STT3B: variants seen among roughly 807,000 people sequenced by gnomAD.
STT3B encodes the protein dolichyl-diphosphooligosaccharide--protein glycosyltransferase subunit STT3B.
Under a neutral mutation model 96.8 loss-of-function variants are expected in STT3B, and 29 were observed. The ratio of observed to expected loss-of-function variants is 0.30; its 90% CI spans 0.22 to 0.41. The LOEUF (loss-of-function observed/expected upper bound fraction) is 0.41, where lower values mean the gene tolerates loss of function less well. Ranked by LOEUF, STT3B falls within the 10% of genes least tolerant of loss-of-function variation. The pLI, the probability that STT3B is intolerant of heterozygous loss-of-function variation, is 1.00. For synonymous variants in STT3B, 367 were observed against 360.0 expected (o/e 1.02, Z -0.22); for missense variants, 640 against 1,022.3 (o/e 0.63, Z 5.10).
At chr3:31,544,533 A>G (rs938463427) in intron 1 of STT3B, among the ~76,000 whole-genome samples, 1 of 152,230 alleles carries the variant, frequency 6.6e-6, no homozygotes, top group Admixed American at 6.5e-5. Context: ...TGAATCCTAA[A>G]ACAGTATGCT....
intron 1 of STT3B, among the ~76,000 whole-genome samples, chr3:31,566,261 A>G (rs548061485): frequency 5.3e-5 from 8 of 152,284 alleles, no homozygotes; most frequent in African/African-American, 1.9e-4. Flanking sequence ...GCTGTTTGGA[A>G]TCACCTTGTG....
At chr3:31,534,985 T>C (rs988887050) in intron 1 of STT3B, among the ~76,000 whole-genome samples, 13 of 152,098 alleles carry the variant, frequency 8.5e-5, no homozygotes, top group Non-Finnish European at 7.4e-5. Flanking sequence ...AACCAGAAAA[T>C]GAAAACTAGT....
At chr3:31,545,824 T>C (rs949308619) in intron 1 of STT3B, among the ~76,000 whole-genome samples, 1 of 151,950 alleles carries the variant, frequency 6.6e-6, no homozygotes, top group Non-Finnish European at 1.5e-5. Flanking sequence ...GTTTTTTTTT[T>C]TTTTTTTTAA....
intron 3 of STT3B, among the ~76,000 whole-genome samples, chr3:31,590,419 A>G (rs1003373504): frequency 3.3e-5 from 5 of 151,624 alleles, no homozygotes; most frequent in African/African-American, 9.7e-5. Flanking sequence ...TAGTATAACT[A>G]TTTATACTAG....
intron 5 of STT3B, among the ~76,000 whole-genome samples, chr3:31,611,864 T>C (rs1275457814): frequency 6.6e-6 from 1 of 152,204 alleles, no homozygotes; most frequent in Non-Finnish European, 1.5e-5. Flanking sequence ...ATCTAATTTC[T>C]TATTTTCTAT....
At chr3:31,579,670 A>G (rs1330735009) in intron 2 of STT3B, 139 bp from the exon 3 acceptor site, 2 of 655,066 alleles carry the variant, frequency 3.1e-6, no homozygotes, top group Admixed American at 3.5e-5. Flanking sequence ...TTTGTAGTTT[A>G]TAAAGAAGGC....
intron 1 of STT3B, among the ~76,000 whole-genome samples, chr3:31,546,599 A>G (rs1383242148): frequency 1.3e-5 from 2 of 152,230 alleles, no homozygotes; most frequent in Non-Finnish European, 2.9e-5. Context: ...GGAGATGCAT[A>G]TACAGGTAGG....
intron 10 of STT3B, 148 bp from the exon 11 acceptor site, chr3:31,623,526 C>G: frequency 1.6e-6 from 1 of 616,616 alleles, no homozygotes; most frequent in Non-Finnish European, 2.7e-6. Flanking sequence ...CACTCCATCA[C>G]CCACATAAGA....
At chr3:31,632,356 T>G (rs995977968) in intron 14 of STT3B, among the ~76,000 whole-genome samples, 3 of 152,212 alleles carry the variant, frequency 2.0e-5, no homozygotes, top group Non-Finnish European at 2.9e-5. Flanking sequence ...AAAGACATGT[T>G]TACATCCCAA....
intron 1 of STT3B, among the ~76,000 whole-genome samples, chr3:31,558,863 G>GTT (rs200229146): frequency 1.4e-5 from 2 of 144,018 alleles, no homozygotes; most frequent in Admixed American, 6.9e-5. Context: ...GTCTGTTCAG[G>GTT]TTTTTTTTTT....
At chr3:31,609,423 C>T (rs9828837) in intron 5 of STT3B, among the ~76,000 whole-genome samples, 75 of 152,158 alleles carry the variant, frequency 4.9e-4, no homozygotes, top group African/African-American at 1.7e-3. Flanking sequence ...ACATACAGTA[C>T]CTTTGTAATT....
chr3:31,635,924 T>A, intron 15 of STT3B, 60 bp from the exon 16 acceptor site: 1 of 1,259,444 alleles, frequency 7.9e-7, no homozygotes, highest in Non-Finnish European at 1.1e-6. Flanking sequence ...TGTGTGTGTT[T>A]ATAGATTTTT....
chr3:31,568,478 A>G (rs376130911), intron 1 of STT3B, among the ~76,000 whole-genome samples: 64 of 152,284 alleles, frequency 4.2e-4, no homozygotes, highest in African/African-American at 1.4e-3. Context: ...TTCCACCAAC[A>G]GTATAGGACT....
chr3:31,594,689 G>A (rs1003833923), intron 3 of STT3B, among the ~76,000 whole-genome samples: 3 of 152,160 alleles, frequency 2.0e-5, no homozygotes, highest in Non-Finnish European at 4.4e-5. Context: ...CAAAGTGCTG[G>A]AATTACAGGC....
At chr3:31,543,314 G>C (rs538503882) in intron 1 of STT3B, among the ~76,000 whole-genome samples, 1 of 152,096 alleles carries the variant, frequency 6.6e-6, no homozygotes, top group African/African-American at 2.4e-5. Context: ...AGTTGGTAAG[G>C]TACTGTTATG....
At chr3:31,579,755 TA>T in intron 2 of STT3B, 53 bp from the exon 3 acceptor site, 1 of 1,378,830 alleles carries the variant, frequency 7.3e-7, no homozygotes. Context: ...CATACATTAA[TA>T]TTTTTGTGTC....
At chr3:31,546,350 G>A (rs1697413503) in intron 1 of STT3B, among the ~76,000 whole-genome samples, 1 of 152,166 alleles carries the variant, frequency 6.6e-6, no homozygotes, top group Non-Finnish European at 1.5e-5. Context: ...TGTTTGGGAT[G>A]CCTGGACAGC....
At chr3:31,613,624 C>G (rs7632430) in intron 5 of STT3B, among the ~76,000 whole-genome samples, 139,850 of 152,004 alleles carry the variant, frequency 0.92, 64,508 homozygotes, top group East Asian at 0.96. Flanking sequence ...TAGTGATCTT[C>G]TTCTCAGTTT....
intron 1 of STT3B, among the ~76,000 whole-genome samples, chr3:31,542,334 T>G (rs1697297557): frequency 6.6e-6 from 1 of 152,204 alleles, no homozygotes; most frequent in Non-Finnish European, 1.5e-5. Context: ...CTGAGGAATT[T>G]AGGAAAACCC....
Sources: gnomAD v4.1 joint callset for allele counts (sites outside exome capture counted in the v4.1 genomes callset) on GRCh38, gnomAD v4.1.1 for gene constraint, MANE v1.5 for transcripts, NCBI Gene and HGNC (gene_info 2026-07-23, HGNC 2026-07-21) for gene names.